BRD10: variants seen among roughly 807,000 people sequenced by gnomAD.
The protein encoded by BRD10 is bromodomain containing 10.
At chr9:6,008,010 G>A in the BRD10 span, 6 of 1,252,960 alleles carry the variant, frequency 4.8e-6, no homozygotes, top group East Asian at 1.0e-4. Flanking sequence ...GAGAGAAGAG[G>A]AGAGCCTAGG....
chr9:5,923,030 G>A, the BRD10 span: 2 of 1,613,974 alleles, frequency 1.2e-6, no homozygotes, highest in South Asian at 2.2e-5. Context: ...ATCCAATGAG[G>A]CAAATGACTC....
At chr9:5,922,971 A>G in the BRD10 span, 1 of 1,614,026 alleles carries the variant, frequency 6.2e-7, no homozygotes, top group Non-Finnish European at 8.5e-7. Flanking sequence ...TTTGCAAGCA[A>G]AGCCTGAATG....
At chr9:5,929,184 C>T in the BRD10 span, 1 of 1,154,040 alleles carries the variant, frequency 8.7e-7, no homozygotes, top group Non-Finnish European at 1.3e-6. Context: ...TAAAGTAAAT[C>T]CCTTAGATTT....
At chr9:5,982,860 G>A in the BRD10 span, among the ~76,000 whole-genome samples, 2 of 152,164 alleles carry the variant, frequency 1.3e-5, no homozygotes, top group East Asian at 3.8e-4. Flanking sequence ...GGAGGATGAA[G>A]CACCTGGAAG....
the BRD10 span, chr9:5,908,521 C>T: frequency 1.2e-6 from 1 of 858,662 alleles, no homozygotes; most frequent in Non-Finnish European, 1.9e-6. Context: ...TATATGGGAA[C>T]ACTTAGAAAT....
chr9:5,906,628 C>A, the BRD10 span, among the ~76,000 whole-genome samples: 1 of 152,198 alleles, frequency 6.6e-6, no homozygotes, highest in South Asian at 2.1e-4. Context: ...CTTTGACCAA[C>A]TATTGGGTCC....
chr9:5,889,766 C>T, the BRD10 span, among the ~76,000 whole-genome samples: 1 of 150,654 alleles, frequency 6.6e-6, no homozygotes, highest in Non-Finnish European at 1.5e-5. Flanking sequence ...GCCTGGGCGA[C>T]AGAGTGAGTC....
At chr9:5,985,486 A>C in the BRD10 span, among the ~76,000 whole-genome samples, 1 of 152,190 alleles carries the variant, frequency 6.6e-6, no homozygotes, top group Non-Finnish European at 1.5e-5. Context: ...TTATATCCAG[A>C]ATACATAAAG....
the BRD10 span, among the ~76,000 whole-genome samples, chr9:5,976,900 T>A: frequency 2.0e-5 from 3 of 152,102 alleles, no homozygotes; most frequent in African/African-American, 7.2e-5. Flanking sequence ...TGACAGCTAG[T>A]GCTTGGGGAA....
the BRD10 span, among the ~76,000 whole-genome samples, chr9:5,991,724 T>TAAAAAAAAAAAA: frequency 8.5e-6 from 1 of 118,030 alleles, no homozygotes; most frequent in Non-Finnish European, 1.8e-5. Flanking sequence ...GACTCTGTCT[T>TAAAAAAAAAAAA]AAAAAAAAAA....
the BRD10 span, among the ~76,000 whole-genome samples, chr9:5,951,067 CACACA>C: frequency 6.6e-6 from 1 of 150,424 alleles, no homozygotes; most frequent in Non-Finnish European, 1.5e-5. Flanking sequence ...CACACACACA[CACACA>C]CACACCCCCA....
At chr9:5,907,591 G>T in the BRD10 span, among the ~76,000 whole-genome samples, 1 of 152,122 alleles carries the variant, frequency 6.6e-6, no homozygotes, top group Admixed American at 6.5e-5. Flanking sequence ...GAAAATATTA[G>T]GTTAAACAAA....
At chr9:5,880,816 T>C in the BRD10 span, among the ~76,000 whole-genome samples, 2 of 151,922 alleles carry the variant, frequency 1.3e-5, no homozygotes, top group South Asian at 2.1e-4. Flanking sequence ...GCAATTCTCC[T>C]GCGTCAGCCT....
chr9:6,007,572 C>T, the BRD10 span: 7 of 1,610,324 alleles, frequency 4.3e-6, no homozygotes, highest in African/African-American at 4.0e-5. Context: ...TCAGCTCCTG[C>T]TCCTTGCAGC....
the BRD10 span, among the ~76,000 whole-genome samples, chr9:5,989,630 G>A: frequency 2.0e-5 from 3 of 150,864 alleles, no homozygotes; most frequent in African/African-American, 7.3e-5. Flanking sequence ...CCTGGGCTCA[G>A]GTGATCCTCC....
the BRD10 span, among the ~76,000 whole-genome samples, chr9:5,976,637 T>C: frequency 6.6e-6 from 1 of 152,166 alleles, no homozygotes; most frequent in African/African-American, 2.4e-5. Context: ...AAATATAATG[T>C]TGTTTATGGC....
chr9:5,950,853 C>T, the BRD10 span, among the ~76,000 whole-genome samples: 5 of 152,042 alleles, frequency 3.3e-5, no homozygotes, highest in African/African-American at 9.7e-5. Flanking sequence ...GTCATCTCTA[C>T]ATTACTTATA....
chr9:5,939,894 G>A, the BRD10 span, among the ~76,000 whole-genome samples: 2 of 152,172 alleles, frequency 1.3e-5, no homozygotes, highest in Admixed American at 1.3e-4. Flanking sequence ...GTGTCCTAGG[G>A]AAGGGGAGCA....
the BRD10 span, among the ~76,000 whole-genome samples, chr9:5,978,001 A>G: frequency 6.6e-6 from 1 of 152,222 alleles, no homozygotes; most frequent in Non-Finnish European, 1.5e-5. Context: ...TAAGCCTTCA[A>G]TGTTGGGAAA....
Sources: allele counts gnomAD v4.1 joint callset (sites outside exome capture counted in the v4.1 genomes callset), GRCh38; gene constraint gnomAD v4.1.1; transcripts MANE v1.5; gene names NCBI Gene and HGNC (gene_info 2026-07-23, HGNC 2026-07-21).